The following ARL14EPL variants were observed in gnomAD, a reference collection of about 807,000 sequenced individuals.
The protein encoded by ARL14EPL is ARF like GTPase 14 effector protein like, also known as ARL14 effector protein-like.
Under a neutral mutation model 15.9 loss-of-function variants are expected in ARL14EPL, and 17 were observed. The observed-to-expected ratio is 1.07, with a 90% CI of 0.73 to 1.60. The LOEUF (loss-of-function observed/expected upper bound fraction) is 1.60, where lower values mean the gene tolerates loss of function less well. Ranked by LOEUF, ARL14EPL falls within the 40% of genes most tolerant of loss-of-function variation. The probability of loss-of-function intolerance (pLI) is 0.00; values close to 1 mark genes in which losing one functional copy is unlikely to be tolerated. For synonymous variants in ARL14EPL, 78 were observed against 63.8 expected, an observed-to-expected ratio of 1.22 and a Z score of -1.06; for missense variants, 214 against 185.9, an observed-to-expected ratio of 1.15 and a Z score of -0.88.
chr5:116,056,930 C>G (rs961041781), intron 3 of ARL14EPL, among the ~76,000 whole-genome samples: 1 of 152,150 alleles, frequency 6.6e-6, no homozygotes, highest in Non-Finnish European at 1.5e-5. Flanking sequence ...TTTTATGAGG[C>G]CAGCATCATC....
chr5:116,038,759 A>G (rs1391873218), intron 1 of ARL14EPL, among the ~76,000 whole-genome samples: 2 of 152,062 alleles, frequency 1.3e-5, no homozygotes, highest in Non-Finnish European at 2.9e-5. Flanking sequence ...GAAATAGAGC[A>G]CATTCTGAAA....
intron 2 of ARL14EPL, among the ~76,000 whole-genome samples, chr5:116,053,110 C>G (rs145743306): frequency 6.6e-6 from 1 of 152,188 alleles, no homozygotes; most frequent in East Asian, 1.9e-4. Flanking sequence ...TTTGGGAGCC[C>G]AAGGCAGATG....
chr5:116,040,115 T>C (rs1749121388), intron 1 of ARL14EPL, among the ~76,000 whole-genome samples: 1 of 152,174 alleles, frequency 6.6e-6, no homozygotes, highest in Non-Finnish European at 1.5e-5. Context: ...GATTTACTCT[T>C]GTAGCTAAAT....
In ARL14EPL at chr5:116,046,705, G is replaced by A. The variant is rs1279182689; in HGVS notation, c.-9-4752G>A. Among the ~76,000 whole-genome samples, 4 of 152,270 alleles carry A rather than the reference G, an allele frequency of 2.6e-5. No homozygotes were observed. The East Asian group carries it at 7.7e-4, about 29-fold the overall frequency. ...AGGAATGATAATCTGTTCCAGCGCT[G>A]AAGAAATGCCTGGCTATGTTGGGTT... On this transcript the variant is annotated intron_variant, in intron 1 of 3. Coordinates refer to ENST00000686077, the MANE Select transcript of ARL14EPL (RefSeq NM_001195581.2).
rs1010737517 is a variant in ARL14EPL at position 116,044,399 on chromosome 5, A to G, written c.-9-7058A>G. The stretch of plus-strand genomic sequence containing the variant: ...TATACGTCTTAGACACTGTTTATAA[A>G]CATGCTTTAGTTTTCTCTTGGGAAA... On this transcript the variant is annotated intron_variant, in intron 1 of 3. Transcript: ENST00000686077. 2.6e-5 allele frequency among the ~76,000 whole-genome samples: 4 copies of G among 152,160 alleles called. No individual in the cohort carries two copies. The East Asian group carries it at 7.7e-4, about 29-fold the overall frequency.
chr5:116,039,385 G>T (rs1358148970), intron 1 of ARL14EPL, among the ~76,000 whole-genome samples: 1 of 152,080 alleles, frequency 6.6e-6, no homozygotes, highest in Non-Finnish European at 1.5e-5. Flanking sequence ...GCTGGTAAGG[G>T]ACACATAGAA....
intron 1 of ARL14EPL, among the ~76,000 whole-genome samples, chr5:116,043,742 C>T (rs1288426484): frequency 6.6e-6 from 1 of 152,096 alleles, no homozygotes; most frequent in African/African-American, 2.4e-5. Flanking sequence ...TTTAAAAAAA[C>T]CTCTCAGTTG....
intron 2 of ARL14EPL, chr5:116,051,837 GTTT>G: frequency 9.4e-7 from 1 of 1,064,478 alleles, no homozygotes; most frequent in Non-Finnish European, 1.4e-6. Flanking sequence ...ATATACAAAC[GTTT>G]TTATTTTTAT....
intron 1 of ARL14EPL, among the ~76,000 whole-genome samples, chr5:116,044,562 G>A (rs1749229095): frequency 1.3e-5 from 2 of 152,160 alleles, no homozygotes; most frequent in African/African-American, 4.8e-5. Flanking sequence ...GTACAAAATA[G>A]CAAAGGGGAC....
chr5:116,046,575 G>A (rs142942504), intron 1 of ARL14EPL, among the ~76,000 whole-genome samples: 2 of 152,314 alleles, frequency 1.3e-5, no homozygotes, highest in Non-Finnish European at 2.9e-5. Context: ...TTGCCAGGGT[G>A]TGGTATTCTG....
At chr5:116,054,340 G>A (rs1393394176) in intron 3 of ARL14EPL, among the ~76,000 whole-genome samples, 187 bp downstream of exon 3, 1 of 152,082 alleles carries the variant, frequency 6.6e-6, no homozygotes, top group Non-Finnish European at 1.5e-5. Context: ...CTATAATCCC[G>A]AATTAGGAAT....
intron 1 of ARL14EPL, among the ~76,000 whole-genome samples, chr5:116,033,047 C>G (rs767585258): frequency 6.6e-6 from 1 of 152,122 alleles, no homozygotes; most frequent in Non-Finnish European, 1.5e-5. Context: ...GATCCACCTG[C>G]CTCAGCCTGC....
chr5:116,034,083 G>T (rs1749006481), intron 1 of ARL14EPL, among the ~76,000 whole-genome samples: 1 of 152,196 alleles, frequency 6.6e-6, no homozygotes. Context: ...AGGATTCACA[G>T]ATACACATCA....
chr5:116,051,658 G>A (rs1749382008), intron 2 of ARL14EPL, 97 bp downstream of exon 2: 1 of 1,059,002 alleles, frequency 9.4e-7, no homozygotes, highest in Non-Finnish European at 1.4e-6. Context: ...GTGGGCCCAG[G>A]CAGGACCTCA....
At chr5:116,049,174 C>A (rs1231344545) in intron 1 of ARL14EPL, among the ~76,000 whole-genome samples, 1 of 152,162 alleles carries the variant, frequency 6.6e-6, no homozygotes, top group Non-Finnish European at 1.5e-5. Context: ...GATGGAAAGA[C>A]TACATGGAGA....
chr5:116,033,292 C>T (rs1239000015), intron 1 of ARL14EPL, among the ~76,000 whole-genome samples: 3 of 152,092 alleles, frequency 2.0e-5, no homozygotes, highest in Non-Finnish European at 4.4e-5. Context: ...ACCTACAGAG[C>T]TATTCTATTT....
Position 116,059,057 on chromosome 5 carries a change from A to G in ARL14EPL, c.*110A>G, listed in dbSNP as rs140096660. ...GGGAAATATCGAAAAAACATACTGA[A>G]GACTCATGTTCTGTCAAGCCCCAGA... On this transcript the variant is annotated 3_prime_UTR_variant, in exon 4 of 4. Coordinates refer to ENST00000686077, the MANE Select transcript of ARL14EPL (RefSeq NM_001195581.2). 3.2e-5 allele frequency: 32 copies of G among 990,430 alleles called. No individual in the cohort carries two copies. The highest frequency in any genetic ancestry group is 4.6e-5 in the Non-Finnish European group (31 of 667,440). 61.4% of individuals were successfully genotyped at this position (990,430 alleles called of 1,614,324 possible).
At chr5:116,040,525 G>A (rs1006570399) in intron 1 of ARL14EPL, among the ~76,000 whole-genome samples, 4 of 151,572 alleles carry the variant, frequency 2.6e-5, no homozygotes, top group African/African-American at 7.3e-5. Context: ...GGACTGGGAC[G>A]TAGTGGACGA....
chr5:116,040,708 G>A (rs945952752), intron 1 of ARL14EPL, among the ~76,000 whole-genome samples: 1 of 151,142 alleles, frequency 6.6e-6, no homozygotes, highest in African/African-American at 2.4e-5. Flanking sequence ...ATTAGAAATT[G>A]TGTAAAGAGT....
Sources: allele counts gnomAD v4.1 joint callset (sites outside exome capture counted in the v4.1 genomes callset), GRCh38; gene constraint gnomAD v4.1.1; transcripts MANE v1.5; gene names NCBI Gene and HGNC (gene_info 2026-07-23, HGNC 2026-07-21).